The following PCNX1 variants were observed in gnomAD, a reference collection of about 807,000 sequenced individuals.
The protein encoded by PCNX1 is pecanex-like protein 1.
PCNX1 carries 78 observed loss-of-function variants against 242.2 expected under a neutral mutation model. The ratio of observed to expected loss-of-function variants is 0.32; its 90% CI spans 0.27 to 0.39. The LOEUF (loss-of-function observed/expected upper bound fraction) is 0.39. PCNX1 is among the 10% of genes least tolerant of loss of function. The probability of loss-of-function intolerance (pLI) is 1.00; values close to 1 mark genes in which losing one functional copy is unlikely to be tolerated. For synonymous variants in PCNX1, 1,024 were observed against 1,032.9 expected (o/e 0.99, Z 0.17); for missense variants, 2,581 against 2,856.5 (o/e 0.90, Z 2.20).
At chr14:70,965,369 T>C (rs2058345603) in intron 3 of PCNX1, 1 of 151,992 alleles carries the variant, frequency 6.6e-6, no homozygotes, top group Non-Finnish European at 1.5e-5. Flanking sequence ...AGATGTGATA[T>C]ATGTTACCAA....
At chr14:71,010,493 T>C (rs2059793657) in intron 9 of PCNX1, among the ~76,000 whole-genome samples, 1 of 152,096 alleles carries the variant, frequency 6.6e-6, no homozygotes, top group Non-Finnish European at 1.5e-5. Context: ...TCTCATACGT[T>C]ACCTTTAGCT....
chr14:70,911,578 A>G (rs1202896346), intron 1 of PCNX1, among the ~76,000 whole-genome samples: 1 of 152,038 alleles, frequency 6.6e-6, no homozygotes. Flanking sequence ...TTTGGGGGTG[A>G]GTGGCATTTT....
intron 24 of PCNX1, among the ~76,000 whole-genome samples, chr14:71,055,284 A>AT (rs113009582): frequency 5.9e-5 from 9 of 151,988 alleles, no homozygotes; most frequent in East Asian, 1.9e-4. Context: ...TAAAAAAAAA[A>AT]CTGCTATGTT....
chr14:70,939,636 T>A (rs933984266), intron 1 of PCNX1, among the ~76,000 whole-genome samples: 1 of 152,226 alleles, frequency 6.6e-6, no homozygotes, highest in African/African-American at 2.4e-5. Context: ...GTTCTGTAGA[T>A]GTCTATTAGG....
At chr14:71,033,198 C>G (rs1390793701) in intron 16 of PCNX1, among the ~76,000 whole-genome samples, 1 of 152,078 alleles carries the variant, frequency 6.6e-6, no homozygotes, top group Non-Finnish European at 1.5e-5. Context: ...TAGTGCCCTC[C>G]CCCCAAAAAC....
chr14:71,098,509 CGT>C (rs3221474), intron 30 of PCNX1, among the ~76,000 whole-genome samples: 15,081 of 128,354 alleles, frequency 0.12, 873 homozygotes, highest in Middle Eastern at 0.17. Context: ...TAGATGTATT[CGT>C]GTGTGTGTGT....
intron 1 of PCNX1, among the ~76,000 whole-genome samples, chr14:70,939,507 T>A (rs1200504686): frequency 2.0e-5 from 3 of 152,252 alleles, no homozygotes; most frequent in Non-Finnish European, 2.9e-5. Context: ...CAGTTTGTTA[T>A]AACTTCTGTT....
At chr14:70,948,733 A>G (rs1300604571) in intron 2 of PCNX1, among the ~76,000 whole-genome samples, 2 of 145,826 alleles carry the variant, frequency 1.4e-5, no homozygotes, top group African/African-American at 5.0e-5. Context: ...ATATACATAT[A>G]TATGTGTATA....
At chr14:71,094,479 T>C (rs1355246171) in intron 30 of PCNX1, among the ~76,000 whole-genome samples, 1 of 152,240 alleles carries the variant, frequency 6.6e-6, no homozygotes, top group Non-Finnish European at 1.5e-5. Flanking sequence ...TCCAGAGAGC[T>C]GAAAATATAA....
At chr14:71,101,465 T>C (rs992302240) in intron 30 of PCNX1, among the ~76,000 whole-genome samples, 5 of 152,328 alleles carry the variant, frequency 3.3e-5, no homozygotes, top group Middle Eastern at 3.4e-3. Flanking sequence ...CCAACTTCTC[T>C]AGGACTAGGA....
At chr14:71,056,158 C>G (rs961561889) in intron 25 of PCNX1, among the ~76,000 whole-genome samples, 1 of 152,168 alleles carries the variant, frequency 6.6e-6, no homozygotes, top group African/African-American at 2.4e-5. Context: ...TCATCCAGAA[C>G]CTCAGTGTAT....
chr14:71,092,494 G>A (rs2062161043), intron 30 of PCNX1: 1 of 152,336 alleles, frequency 6.6e-6, no homozygotes, highest in East Asian at 1.9e-4. Context: ...CAAGATAACA[G>A]GAGAAGCAGC....
At chr14:70,913,859 A>C (rs72724309) in intron 1 of PCNX1, among the ~76,000 whole-genome samples, 4,158 of 152,308 alleles carry the variant, frequency 0.027, 92 homozygotes, top group Non-Finnish European at 0.04. Context: ...GCTATTGCAT[A>C]TTGTACATAT....
At chr14:70,931,536 C>T (rs990972151) in intron 1 of PCNX1, among the ~76,000 whole-genome samples, 5 of 152,192 alleles carry the variant, frequency 3.3e-5, no homozygotes, top group Admixed American at 1.3e-4. Context: ...TTAGTGTGCC[C>T]GTTTGTGTGT....
intron 6 of PCNX1, among the ~76,000 whole-genome samples, chr14:70,986,754 T>C (rs1335468222): frequency 6.6e-6 from 1 of 152,222 alleles, no homozygotes; most frequent in Admixed American, 6.5e-5. Flanking sequence ...AAACAGTATC[T>C]AGAACTAGAA....
Position 71,026,858 on chromosome 14 carries a change from G to A in PCNX1, c.3442G>A (p.Asp1148Asn). The A allele has an allele frequency of 1.9e-6, 3 of 1,540,492 alleles. No individual in the cohort carries two copies. Among genetic ancestry groups the A allele is most frequent in the Non-Finnish European group, 1.8e-6 (2 of 1,114,910 alleles). ...TFVMYLCEQL[D>N]IHIFGGNATT... ...TGTAATGTACCTTTGTGAACAATTGGATATTCATATTTTTGGTGGTAATGG... is the reference window on the plus strand; with the variant it reads ...TGTAATGTACCTTTGTGAACAATTGAATATTCATATTTTTGGTGGTAATGG... The change falls in exon 15 of 36, where the codon GAT becomes AAT. Residue 1148 changes from aspartate to asparagine, a missense_variant. Physicochemically the swap from Asp to Asn is conservative, Grantham distance 23. This residue lies in a region of PCNX1 where 432 missense variants were observed against 443.1 expected (regional missense o/e 0.97). Transcript: ENST00000304743.
intron 33 of PCNX1, 22 bp downstream of exon 33, chr14:71,105,462 T>C (rs773331177): frequency 1.3e-6 from 2 of 1,572,760 alleles, no homozygotes; most frequent in Non-Finnish European, 1.7e-6. Context: ...CAAAGTTATA[T>C]GTCTAATGTT....
chr14:71,016,999 A>G (rs955192554), intron 11 of PCNX1, among the ~76,000 whole-genome samples: 3 of 152,190 alleles, frequency 2.0e-5, no homozygotes, highest in African/African-American at 7.2e-5. Context: ...AGAAAAAAAC[A>G]AAAGAAGAGG....
intron 26 of PCNX1, among the ~76,000 whole-genome samples, chr14:71,067,450 C>T (rs529713274): frequency 2.2e-4 from 34 of 152,044 alleles, no homozygotes; most frequent in East Asian, 3.9e-4. Context: ...TCTGTGGGAT[C>T]GGTGGTGATA....
Sources: allele counts gnomAD v4.1 joint callset (sites outside exome capture counted in the v4.1 genomes callset), GRCh38; gene constraint gnomAD v4.1.1; regional missense constraint gnomAD v4.1.1; transcripts MANE v1.5; gene names NCBI Gene and HGNC (gene_info 2026-07-23, HGNC 2026-07-21).